The following CASTOR2 variants were observed in gnomAD, a reference collection of about 807,000 sequenced individuals.
The protein encoded by CASTOR2 is GATS protein like 2.
In CASTOR2, 8 loss-of-function variants were observed where a neutral mutation model predicts 31.2. The ratio of observed to expected loss-of-function variants is 0.26; its 90% CI spans 0.15 to 0.46. The LOEUF (loss-of-function observed/expected upper bound fraction) is 0.46, where lower values mean the gene tolerates loss of function less well. Ranked by LOEUF, CASTOR2 falls within the 20% of genes least tolerant of loss-of-function variation. The probability of loss-of-function intolerance (pLI) is 0.99; values close to 1 mark genes in which losing one functional copy is unlikely to be tolerated. For missense variants in CASTOR2, 216 were observed against 382.1 expected, an observed-to-expected ratio of 0.57 and a Z score of 3.62; for synonymous variants, 162 against 158.7, an observed-to-expected ratio of 1.02 and a Z score of -0.16.
chr7:74,992,171 T>G (rs1804226742), intron 1 of CASTOR2, among the ~76,000 whole-genome samples: 1 of 151,856 alleles, frequency 6.6e-6, no homozygotes, highest in Admixed American at 6.6e-5. Context: ...CTGCTGGAGG[T>G]GAAAGGTCTT....
chr7:75,006,522 A>G (rs1298413400), intron 1 of CASTOR2, among the ~76,000 whole-genome samples: 1 of 152,172 alleles, frequency 6.6e-6, no homozygotes, highest in Non-Finnish European at 1.5e-5. Context: ...CCCCTGCAAC[A>G]CTGTCCACTC....
intron 6 of CASTOR2, 38 bp downstream of exon 6, chr7:75,020,187 G>GGGCCCCAGGGTC: frequency 6.5e-7 from 1 of 1,531,822 alleles, no homozygotes; most frequent in Non-Finnish European, 8.9e-7. Flanking sequence ...AACCCAGGGT[G>GGGCCCCAGGGTC]GGCCCCAGGG....
Position 75,021,901 on chromosome 7 carries a change from C to T in CASTOR2, c.774C>T (p.Ser258=), listed in dbSNP as rs1347530898. 54 of 1,551,752 alleles carry T rather than the reference C, an allele frequency of 3.5e-5. No individual in the cohort carries two copies. The Admixed American group carries it at 3.7e-4, about 11-fold the overall frequency. The change falls in exon 7 of 9, where the codon AGC becomes AGT. Residue 258 remains serine, a synonymous_variant. Transcript: ENST00000616305. ...TTCCTAGTAACTTGCTGTTCACAAG[C>T]GCATCCGGAGAGCTCTGGAAGATGG... ...QRFPSNLLFT[S]ASGELWKMVR...
At chr7:74,975,238 G>A (rs1383285472) in intron 1 of CASTOR2, among the ~76,000 whole-genome samples, 5 of 151,532 alleles carry the variant, frequency 3.3e-5, no homozygotes, top group Admixed American at 6.6e-5. Context: ...AACGTGCTGG[G>A]ATTACAGGCA....
chr7:74,979,255 G>A (rs1339431664), intron 1 of CASTOR2, among the ~76,000 whole-genome samples: 2 of 143,752 alleles, frequency 1.4e-5, no homozygotes, highest in African/African-American at 2.6e-5. Flanking sequence ...TGGATATATG[G>A]CATACTGGTA....
In CASTOR2 at chr7:75,019,055, G is replaced by A. The variant is rs1563064099; in HGVS notation, c.595G>A (p.Val199Ile). 1.3e-6 allele frequency: 2 copies of A among 1,551,910 alleles called. No homozygotes were observed. Among genetic ancestry groups the A allele is most frequent in the Non-Finnish European group, 1.7e-6 (2 of 1,147,038 alleles). ...TSLDPDTLPA[V>I]ATLLMDVMFY... is the part of the protein sequence containing the mutation. ...CCTGGACCCTGACACGCTGCCTGCT[G>A]TTGCCACACTCCTCATGGATGTCAT... Residue 199 changes from valine (V) to isoleucine (I), a missense_variant, in exon 5 of 9, where the codon GTT becomes ATT. By Grantham distance (29) the Val-to-Ile change is conservative (BLOSUM62 3). Around this residue, in one of 5 missense-constraint regions of CASTOR2, gnomAD observed 5 missense variants for 31.3 expected, o/e 0.16. Coordinates refer to ENST00000616305, the MANE Select transcript of CASTOR2 (RefSeq NM_001145064.3).
intron 2 of CASTOR2, among the ~76,000 whole-genome samples, chr7:75,013,726 C>T (rs1804803788): frequency 6.6e-6 from 1 of 151,920 alleles, no homozygotes; most frequent in Non-Finnish European, 1.5e-5. Context: ...TGTGTATATT[C>T]CGATTTTTTA....
At chr7:75,008,475 C>G (rs1196655184) in intron 2 of CASTOR2, among the ~76,000 whole-genome samples, 6 of 152,254 alleles carry the variant, frequency 3.9e-5, no homozygotes, top group African/African-American at 9.6e-5. Flanking sequence ...GTGGGAGGAT[C>G]ACTTGAGCCC....
chr7:75,014,940 C>T (rs1224807529), intron 2 of CASTOR2, among the ~76,000 whole-genome samples: 17 of 152,358 alleles, frequency 1.1e-4, no homozygotes, highest in African/African-American at 2.9e-4. Flanking sequence ...ATTGGCCCCT[C>T]GGAGCCCGAA....
chr7:75,020,944 C>T (rs1033458369), intron 6 of CASTOR2, among the ~76,000 whole-genome samples: 1 of 151,756 alleles, frequency 6.6e-6, no homozygotes, highest in African/African-American at 2.4e-5. Flanking sequence ...CTACAGGTGC[C>T]TGCCACCACA....
chr7:74,973,680 T>C (rs1178468518), intron 1 of CASTOR2, among the ~76,000 whole-genome samples: 1 of 13,440 alleles, frequency 7.4e-5, no homozygotes, highest in Non-Finnish European at 1.6e-4. Context: ...CACACACACA[T>C]AATCGCATCC....
At chr7:75,022,566 G>A (rs1805030696) in intron 7 of CASTOR2, among the ~76,000 whole-genome samples, 3 of 91,750 alleles carry the variant, frequency 3.3e-5, no homozygotes, top group South Asian at 7.2e-4. Flanking sequence ...TCTTTGGGAG[G>A]CCGATGCAGG....
At chr7:75,018,674 C>CT (rs1210795543) in intron 4 of CASTOR2, among the ~76,000 whole-genome samples, 1 of 152,248 alleles carries the variant, frequency 6.6e-6, no homozygotes, top group African/African-American at 2.4e-5. Flanking sequence ...GTGGATTTCC[C>CT]TGGGCAGGGA....
At chr7:74,987,162 C>G (rs1402195983) in intron 1 of CASTOR2, among the ~76,000 whole-genome samples, 2 of 151,760 alleles carry the variant, frequency 1.3e-5, no homozygotes, top group African/African-American at 4.8e-5. Context: ...CTCAGCACTT[C>G]GGGAGGCCAA....
chr7:75,018,641 C>T (rs1804921787), intron 4 of CASTOR2, among the ~76,000 whole-genome samples: 1 of 152,220 alleles, frequency 6.6e-6, no homozygotes, highest in Non-Finnish European at 1.5e-5. Flanking sequence ...AGAGGCCACT[C>T]CTGCTGCAGC....
At chr7:74,969,346 G>T (rs1584454785) in intron 1 of CASTOR2, among the ~76,000 whole-genome samples, 2 of 78,906 alleles carry the variant, frequency 2.5e-5, no homozygotes, top group Non-Finnish European at 2.4e-5. Context: ...GCAGTGGCGT[G>T]ATCACGGCTC....
chr7:74,975,128 C>G (rs1304382911), intron 1 of CASTOR2, among the ~76,000 whole-genome samples: 1 of 151,100 alleles, frequency 6.6e-6, no homozygotes, highest in African/African-American at 2.4e-5. Flanking sequence ...CCACCATGCT[C>G]AGCTAATTTT....
intron 1 of CASTOR2, among the ~76,000 whole-genome samples, chr7:75,004,692 C>T (rs1804570184): frequency 6.6e-6 from 1 of 152,022 alleles, no homozygotes. Context: ...AGTGATCCGC[C>T]CACCTCAGCC....
At chr7:74,985,391 G>A (rs1804037835) in intron 1 of CASTOR2, among the ~76,000 whole-genome samples, 1 of 151,748 alleles carries the variant, frequency 6.6e-6, no homozygotes, top group East Asian at 1.9e-4. Context: ...ACCAGCCTGG[G>A]CAACATAGTG....
Sources: gnomAD v4.1 joint callset for allele counts (sites outside exome capture counted in the v4.1 genomes callset) on GRCh38, gnomAD v4.1.1 for gene constraint, gnomAD v4.1.1 regional missense constraint, MANE v1.5 for transcripts, NCBI Gene and HGNC (gene_info 2026-07-23, HGNC 2026-07-21) for gene names.